The following DCC variants were observed in gnomAD, a reference collection of about 807,000 sequenced individuals.
DCC encodes DCC netrin 1 receptor, also known as netrin receptor DCC.
DCC carries 58 observed loss-of-function variants against 172.5 expected under a neutral mutation model. The ratio of observed to expected loss-of-function variants is 0.34; its 90% CI spans 0.27 to 0.42. The LOEUF (loss-of-function observed/expected upper bound fraction) is 0.42. Ranked by LOEUF, DCC falls within the 10% of genes least tolerant of loss-of-function variation. DCC has a pLI of 1.00. For missense variants in DCC, 1,740 were observed against 1,791.0 expected (o/e 0.97, Z 0.51); for synonymous variants, 709 against 644.5 (o/e 1.10, Z -1.52).
intron 5 of DCC, among the ~76,000 whole-genome samples, chr18:52,999,126 T>A (rs563337704): frequency 7.2e-5 from 11 of 152,208 alleles, no homozygotes; most frequent in African/African-American, 2.6e-4. Context: ...AAACCACTTC[T>A]GCTTTGTGCA....
chr18:53,015,397 G>T (rs1294516478), intron 5 of DCC, among the ~76,000 whole-genome samples: 1 of 152,098 alleles, frequency 6.6e-6, no homozygotes, highest in Non-Finnish European at 1.5e-5. Context: ...AAATACAAAT[G>T]CAATTTTAGA....
chr18:53,281,792 G>C (rs1472944844), intron 12 of DCC, among the ~76,000 whole-genome samples: 1 of 146,428 alleles, frequency 6.8e-6, no homozygotes, highest in Non-Finnish European at 1.5e-5. Context: ...TTGCCTGAGA[G>C]GCACTTTGCC....
At chr18:52,675,366 C>T (rs751409399) in intron 1 of DCC, among the ~76,000 whole-genome samples, 1 of 152,090 alleles carries the variant, frequency 6.6e-6, no homozygotes, top group Non-Finnish European at 1.5e-5. Context: ...AATCCCAGGT[C>T]TTTGGATAAA....
chr18:52,390,836 T>C (rs1304089447), intron 1 of DCC, among the ~76,000 whole-genome samples: 1 of 152,094 alleles, frequency 6.6e-6, no homozygotes, highest in Non-Finnish European at 1.5e-5. Context: ...GTTAGTTGTA[T>C]TCATTATTAC....
At chr18:52,670,857 A>T (rs998454919) in intron 1 of DCC, among the ~76,000 whole-genome samples, 5 of 152,030 alleles carry the variant, frequency 3.3e-5, no homozygotes, top group Non-Finnish European at 7.4e-5. Flanking sequence ...AAAAAAAAAA[A>T]TCCTAAAAGC....
At chr18:52,883,350 A>ATGTGTG (rs1172759213) in intron 2 of DCC, among the ~76,000 whole-genome samples, 1,055 of 33,984 alleles carry the variant, frequency 0.031, 5 homozygotes, top group Non-Finnish European at 0.034. Flanking sequence ...TTATTTATTT[A>ATGTGTG]TGTGTGTGTG....
At chr18:53,445,046 T>A (rs1912510617) in intron 22 of DCC, among the ~76,000 whole-genome samples, 1 of 152,156 alleles carries the variant, frequency 6.6e-6, no homozygotes, top group Non-Finnish European at 1.5e-5. Context: ...ATATTAAAAA[T>A]CCAAATTTTT....
chr18:52,692,938 T>C (rs1381523913), intron 1 of DCC, among the ~76,000 whole-genome samples: 2 of 152,116 alleles, frequency 1.3e-5, no homozygotes, highest in Admixed American at 6.6e-5. Flanking sequence ...TAGAAAGAAA[T>C]GTACCCTTTA....
At chr18:52,484,434 T>G (rs982067616) in intron 1 of DCC, among the ~76,000 whole-genome samples, 8 of 152,142 alleles carry the variant, frequency 5.3e-5, no homozygotes, top group African/African-American at 1.9e-4. Flanking sequence ...TCTATCATTC[T>G]TATTATTTTC....
At chr18:53,173,063 G>T (rs927311169) in intron 8 of DCC, among the ~76,000 whole-genome samples, 2 of 152,086 alleles carry the variant, frequency 1.3e-5, no homozygotes, top group African/African-American at 4.8e-5. Flanking sequence ...ATCTCCATGT[G>T]CTCAATCTCT....
chr18:53,170,378 T>C (rs1005415862), intron 8 of DCC, among the ~76,000 whole-genome samples: 4 of 152,260 alleles, frequency 2.6e-5, no homozygotes, highest in Non-Finnish European at 4.4e-5. Flanking sequence ...TCTTTTTGTT[T>C]TGATTTATCT....
chr18:53,172,842 T>A (rs2055034000), intron 8 of DCC, among the ~76,000 whole-genome samples: 2 of 152,228 alleles, frequency 1.3e-5, no homozygotes, highest in South Asian at 4.1e-4. Flanking sequence ...ATGATATCAA[T>A]ACTAGATTTA....
intron 2 of DCC, among the ~76,000 whole-genome samples, chr18:52,893,691 A>G (rs578091015): frequency 1.3e-4 from 20 of 152,326 alleles, no homozygotes; most frequent in Admixed American, 9.8e-4. Context: ...GGACTTAACT[A>G]TAACATAGCA....
At chr18:53,131,113 A>G (rs1396765698) in intron 7 of DCC, among the ~76,000 whole-genome samples, 3 of 152,102 alleles carry the variant, frequency 2.0e-5, no homozygotes, top group Non-Finnish European at 4.4e-5. Context: ...TAGGGATGGC[A>G]CCCAGACTCT....
intron 2 of DCC, among the ~76,000 whole-genome samples, chr18:52,775,772 A>G (rs1331236728): frequency 6.6e-6 from 1 of 152,168 alleles, no homozygotes; most frequent in Non-Finnish European, 1.5e-5. Flanking sequence ...TCTGCCCACT[A>G]GGGTCTCAGG....
intron 5 of DCC, among the ~76,000 whole-genome samples, chr18:53,047,174 C>A (rs1367888275): frequency 7.2e-6 from 1 of 139,684 alleles, no homozygotes; most frequent in Non-Finnish European, 1.5e-5. Context: ...CAAGCTCTTA[C>A]AATTTCCAAT....
chr18:52,555,725 G>A (rs1568227480), intron 1 of DCC, among the ~76,000 whole-genome samples: 1 of 152,066 alleles, frequency 6.6e-6, no homozygotes, highest in Non-Finnish European at 1.5e-5. Flanking sequence ...TAAAAAATCT[G>A]TTATTATTTA....
chr18:53,131,196 G>T (rs937023219), intron 7 of DCC, among the ~76,000 whole-genome samples: 3 of 151,980 alleles, frequency 2.0e-5, no homozygotes, highest in African/African-American at 7.2e-5. Context: ...TAAATGAACT[G>T]CAATATCAGC....
At chr18:53,110,624 T>G (rs1347364578) in intron 7 of DCC, among the ~76,000 whole-genome samples, 1 of 150,906 alleles carries the variant, frequency 6.6e-6, no homozygotes, top group African/African-American at 2.4e-5. Context: ...AAGACATTTA[T>G]GCAGCCAAAA....
Sources: gnomAD v4.1 joint callset for allele counts (sites outside exome capture counted in the v4.1 genomes callset) on GRCh38, gnomAD v4.1.1 for gene constraint, MANE v1.5 for transcripts, NCBI Gene and HGNC (gene_info 2026-07-23, HGNC 2026-07-21) for gene names.